Variants in IRF5 observed in about 807,000 individuals in gnomAD.
The protein encoded by IRF5 is interferon regulatory factor 5.
In IRF5, 24 loss-of-function variants were observed where a neutral mutation model predicts 55.1. That is an observed-to-expected ratio of 0.44 (90% CI 0.32 to 0.61). IRF5 has a LOEUF of 0.61. Ranked by LOEUF, IRF5 falls within the 20% of genes least tolerant of loss-of-function variation. The probability of loss-of-function intolerance (pLI) is 0.07; values close to 1 mark genes in which losing one functional copy is unlikely to be tolerated. For missense variants in IRF5, 499 were observed against 658.5 expected (o/e 0.76, Z 2.65); for synonymous variants, 258 against 260.2 (o/e 0.99, Z 0.08).
At chr7:128,938,987 G>A (rs1201925012) in intron 1 of IRF5, among the ~76,000 whole-genome samples, 2 of 150,606 alleles carry the variant, frequency 1.3e-5, no homozygotes, top group Non-Finnish European at 3.0e-5. Flanking sequence ...GGAGGTGGGG[G>A]TGGCTCCGCG....
chr7:128,941,829 G>A (rs78658945), intron 1 of IRF5, among the ~76,000 whole-genome samples: 15,352 of 152,204 alleles, frequency 0.1, 1,034 homozygotes, highest in Middle Eastern at 0.16. Flanking sequence ...GCCTCTGCCC[G>A]GTAAAGGGCA....
chr7:128,945,971 C>T lies in IRF5; in HGVS notation c.322C>T (p.Arg108Trp), dbSNP rs745742459. The part of the protein sequence containing the change: ...RDFRLIYDGP[R>W]DMPPQPYKIY... ...CTTCCGCCTCATCTACGACGGGCCC[C>T]GGGACATGCCACCTCAGCCCTACAA... The change falls in exon 3 of 9, where the codon CGG becomes TGG. Residue 108 changes from arginine to tryptophan, a missense_variant. This residue lies in a region of IRF5 where 305 missense variants were observed against 340.2 expected (regional missense o/e 0.90). Coordinates refer to ENST00000357234, the MANE Select transcript of IRF5 (RefSeq NM_001098629.3). 7 of 1,613,008 alleles carry T rather than the reference C, an allele frequency of 4.3e-6. No individual in the cohort carries two copies. The highest frequency in any genetic ancestry group is 1.1e-5 in the South Asian group (1 of 91,036).
Position 128,946,073 on chromosome 7 carries a change from G to C in IRF5, c.385+39G>C. ...CCCTCTGTGGGCCACCTGGGAGGCT[G>C]TGCAATGTCCTGGCCCCCAGCCATG... On this transcript the variant is annotated intron_variant, in intron 3 of 8. Transcript: ENST00000357234. This position sits in a 1 kb window ranked among gnomAD's most constrained non-coding sequence, Gnocchi z 4.2. 6.5e-7 allele frequency: 1 copy of C among 1,530,566 alleles called. No individual in the cohort carries two copies. Among genetic ancestry groups the C allele is most frequent in the Non-Finnish European group, 8.8e-7 (1 of 1,139,578 alleles). The allele number at this position is 1,530,566 out of a possible 1,614,324, so 94.8% of individuals were successfully genotyped here.
rs147056794 is a variant in IRF5 at position 128,946,707 on chromosome 7, G to T, written c.447+145G>T. The T allele has an allele frequency of 8.5e-5, 57 of 667,940 alleles. No homozygotes were observed. In the African/African-American group the frequency reaches 9.6e-4, roughly 11 times the overall value. The allele number at this position is 667,940 out of a possible 1,614,324, so 41.4% of individuals were successfully genotyped here. A position where few individuals can be genotyped will look rare whatever the true frequency, so the allele number is the denominator to read the frequency against. ...TGTTTCTTCTCCTGGGATTCTGAAC[G>T]ATAGGAGCACAGTCCCCACCTGCTC... On this transcript the variant is annotated intron_variant, in intron 4 of 8. Coordinates refer to ENST00000357234, the MANE Select transcript of IRF5 (RefSeq NM_001098629.3). This position sits in a 1 kb window ranked among gnomAD's most constrained non-coding sequence, Gnocchi z 4.2.
intron 2 of IRF5, among the ~76,000 whole-genome samples, chr7:128,944,704 A>G (rs528054649): frequency 6.6e-6 from 1 of 152,368 alleles, no homozygotes; most frequent in South Asian, 2.1e-4. Context: ...TTCATAAGAA[A>G]TGCTAGATAT....
At position 128,946,563 on chromosome 7, in the gene IRF5, G is replaced by A. The variant is rs1241268882; in HGVS notation, c.447+1G>A. On this transcript the variant is annotated splice_donor_variant, in intron 4 of 8. Coordinates refer to ENST00000357234, the MANE Select transcript of IRF5 (RefSeq NM_001098629.3). LOFTEE classifies it high-confidence loss of function. The surrounding 1 kb of genome is among the most constrained non-coding windows in gnomAD (Gnocchi z 4.2). Reference sequence around the variant, plus strand: ...AGAGGAGGAGGAAGAAGAGGAAGAGGTGAGTGTGGGTTGAGGAGGCAGGTG... The same window carrying A: ...AGAGGAGGAGGAAGAAGAGGAAGAGATGAGTGTGGGTTGAGGAGGCAGGTG... The A allele has an allele frequency of 1.9e-6, 3 of 1,591,564 alleles. No homozygotes were observed. In the South Asian group the frequency reaches 3.4e-5, roughly 18 times the overall value.
intron 2 of IRF5, among the ~76,000 whole-genome samples, chr7:128,944,141 T>C (rs1278488727): frequency 1.3e-5 from 2 of 152,244 alleles, no homozygotes; most frequent in African/African-American, 4.8e-5. Flanking sequence ...TGGATTTTTT[T>C]CACCCAATAT....
At chr7:128,938,898 G>A (rs1323146972) in intron 1 of IRF5, among the ~76,000 whole-genome samples, 3 of 152,128 alleles carry the variant, frequency 2.0e-5, no homozygotes, top group Non-Finnish European at 1.5e-5. Flanking sequence ...CCAGCCTCGC[G>A]GCCACGCTGA....
In IRF5 at chr7:128,946,302, A is replaced by G. The variant is rs1796298173; in HGVS notation, c.386-199A>G. Reference sequence around the variant, plus strand: ...TGCCCTCGTTTTGGCTTCTGGCTCCAGCCTAGGTCTCATGGCCCATGGAGT... The same window carrying G: ...TGCCCTCGTTTTGGCTTCTGGCTCCGGCCTAGGTCTCATGGCCCATGGAGT... On this transcript the variant is annotated intron_variant, in intron 3 of 8. Coordinates refer to ENST00000357234, the MANE Select transcript of IRF5 (RefSeq NM_001098629.3). The surrounding 1 kb of genome is among the most constrained non-coding windows in gnomAD (Gnocchi z 4.2). 6.6e-6 allele frequency among the ~76,000 whole-genome samples: 1 copy of G among 152,188 alleles called. No homozygotes were observed. The highest frequency in any genetic ancestry group is 2.1e-4 in the South Asian group (1 of 4,832).
upstream of IRF5, among the ~76,000 whole-genome samples, chr7:128,937,196 A>G (rs892369182): frequency 6.6e-6 from 1 of 152,248 alleles, no homozygotes; most frequent in Non-Finnish European, 1.5e-5. Flanking sequence ...GATGCTGAAA[A>G]TTTCAGAAAC....
At position 128,949,530 on chromosome 7, in the gene IRF5, G is replaced by C. The variant is rs1196028325; in HGVS notation, c.*712G>C. 4.6e-5 allele frequency: 7 copies of C among 152,214 alleles called. No homozygotes were observed. The highest frequency in any genetic ancestry group is 1.0e-4 in the Non-Finnish European group (7 of 68,068). 9.4% of individuals were successfully genotyped at this position (152,214 alleles called of 1,614,324 possible). ...GGCACTGGGAGGGCCTGGCTTCTGG[G>C]CTGATGGGTCAGTTGGGCCTTCATA... On this transcript the variant is annotated 3_prime_UTR_variant, in exon 9 of 9. Transcript: ENST00000357234.
rs1796426951 is a variant in IRF5, at chr7:128,948,157, C to G, written c.1180+36C>G. 1 of 1,611,796 alleles carries G rather than the reference C, an allele frequency of 6.2e-7. No homozygotes were observed. The highest frequency in any genetic ancestry group is 1.3e-5 in the African/African-American group (1 of 74,994). On this transcript the variant is annotated intron_variant, in intron 7 of 8. Coordinates refer to ENST00000357234, the MANE Select transcript of IRF5 (RefSeq NM_001098629.3). The surrounding 1 kb of genome is among the most constrained non-coding windows in gnomAD (Gnocchi z 4.6). Reference sequence around the variant, plus strand: ...AAAGCTGTGATCCTCCTGGCTGCCTCTTGCCCAGGGCATGGTTCCAGCCTC... The same window carrying G: ...AAAGCTGTGATCCTCCTGGCTGCCTGTTGCCCAGGGCATGGTTCCAGCCTC...
At chr7:128,938,312 C>A (rs1347798632) in intron 1 of IRF5, 1 of 152,226 alleles carries the variant, frequency 6.6e-6, no homozygotes, top group Non-Finnish European at 1.5e-5. Context: ...ACGCCCCGAT[C>A]GGTTTGGGGT....
Position 128,948,778 on chromosome 7 carries a change from G to C in IRF5, c.1505G>C (p.Gly502Ala), listed in dbSNP as rs1232692954. The C allele has an allele frequency of 3.1e-6, 5 of 1,609,338 alleles. No individual in the cohort carries two copies. Among genetic ancestry groups the C allele is most frequent in the Non-Finnish European group, 2.5e-6 (3 of 1,180,012 alleles). The change falls in exon 9 of 9, where the codon GGC becomes GCC. Residue 502 changes from glycine (G) to alanine (A), a missense_variant. Coordinates refer to ENST00000357234, the MANE Select transcript of IRF5 (RefSeq NM_001098629.3). The surrounding 1 kb of genome is among the most constrained non-coding windows in gnomAD (Gnocchi z 4.6). ...QAPPGAGLGV[G>A]QGPWPMHPAG... ...CCTCCTGGAGCAGGCCTTGGTGTTG[G>C]CCAGGGGCCCTGGCCTATGCACCCA... is the stretch of plus-strand genomic sequence containing the variant.
At position 128,947,057 on chromosome 7, in the gene IRF5, G is replaced by A; in HGVS notation, c.481+1G>A. ...ATGTTGCCAAGCCTGAGCCTCACAG[G>A]TGGGGCCGGGAGGTGGTGGTTGGGG... is the stretch of plus-strand genomic sequence containing the variant. On this transcript the variant is annotated splice_donor_variant, in intron 5 of 8. Coordinates refer to ENST00000357234, the MANE Select transcript of IRF5 (RefSeq NM_001098629.3). LOFTEE classifies it high-confidence loss of function. The surrounding 1 kb of genome is among the most constrained non-coding windows in gnomAD (Gnocchi z 6.5). 1.2e-6 allele frequency: 2 copies of A among 1,614,148 alleles called. No individual in the cohort carries two copies. Among genetic ancestry groups the A allele is most frequent in the Non-Finnish European group, 1.7e-6 (2 of 1,180,016 alleles).
At chr7:128,939,148 T>C (rs3807307) in intron 1 of IRF5, among the ~76,000 whole-genome samples, 61,745 of 151,590 alleles carry the variant, frequency 0.41, 13,114 homozygotes, top group Middle Eastern at 0.52. Flanking sequence ...GGCTCGGCTG[T>C]ATCGATGTAG....
chr7:128,948,718 A>G lies in IRF5; in HGVS notation c.1445A>G (p.Gln482Arg). Residue 482 changes from glutamine (Q) to arginine (R), a missense_variant, in exon 9 of 9, where the codon CAG becomes CGG. Around this residue, in one of 2 missense-constraint regions of IRF5, gnomAD observed 194 missense variants for 318.3 expected, o/e 0.61. Coordinates refer to ENST00000357234, the MANE Select transcript of IRF5 (RefSeq NM_001098629.3). This position sits in a 1 kb window ranked among gnomAD's most constrained non-coding sequence, Gnocchi z 4.6. ...TTCAAGGAGCTCCATCACATCTGGC[A>G]GTCCCAGCAGCGGTTGCAGCCTGTG... ...EQFKELHHIW[Q>R]SQQRLQPVAQ... The G allele has an allele frequency of 6.2e-7, 1 of 1,614,042 alleles. No homozygotes were observed. The highest frequency in any genetic ancestry group is 1.1e-5 in the South Asian group (1 of 91,092).
intron 1 of IRF5, among the ~76,000 whole-genome samples, chr7:128,941,767 C>T (rs375875434): frequency 1.8e-4 from 28 of 152,208 alleles, no homozygotes; most frequent in African/African-American, 5.8e-4. Flanking sequence ...TAGTGGAAGG[C>T]GGTTCTCTGG....
In IRF5 at chr7:128,947,211, C is replaced by A; in HGVS notation, c.482-19C>A. 6.3e-7 allele frequency: 1 copy of A among 1,597,746 alleles called. No homozygotes were observed. The highest frequency in any genetic ancestry group is 8.5e-7 in the Non-Finnish European group (1 of 1,170,642). Reference sequence around the variant, plus strand: ...TCGTGGAGGTGGCACTGACAGCCGTCCACACGCACTCTCTGTAGATGCAGT... The same window carrying A: ...TCGTGGAGGTGGCACTGACAGCCGTACACACGCACTCTCTGTAGATGCAGT... On this transcript the variant is annotated intron_variant, in intron 5 of 8. Transcript: ENST00000357234. The surrounding 1 kb of genome is among the most constrained non-coding windows in gnomAD (Gnocchi z 6.5).
Sources: allele counts gnomAD v4.1 joint callset (sites outside exome capture counted in the v4.1 genomes callset), GRCh38; gene constraint gnomAD v4.1.1; regional missense constraint gnomAD v4.1.1; non-coding constraint Gnocchi (gnomAD v3.1); transcripts MANE v1.5; gene names NCBI Gene and HGNC (gene_info 2026-07-23, HGNC 2026-07-21).